Variants in FANCC observed in about 807,000 individuals in gnomAD.
FANCC encodes the protein FA complementation group C.
Under a neutral mutation model 71.3 loss-of-function variants are expected in FANCC, and 55 were observed. That is an observed-to-expected ratio of 0.77 (90% confidence interval 0.62 to 0.97). FANCC has a LOEUF of 0.97. Ranked by LOEUF, FANCC falls within the 50% of genes least tolerant of loss-of-function variation. FANCC has a pLI of 0.00. For synonymous variants in FANCC, 275 were observed against 244.9 expected (o/e 1.12, Z -1.15); for missense variants, 678 against 670.9 (o/e 1.01, Z -0.12).
intron 4 of FANCC, among the ~76,000 whole-genome samples, chr9:95,189,649 C>T (rs1293824655): frequency 6.6e-6 from 1 of 152,182 alleles, no homozygotes; most frequent in Admixed American, 6.5e-5. Flanking sequence ...TATGTAGATA[C>T]ACAGACCTGG....
intron 13 of FANCC, among the ~76,000 whole-genome samples, chr9:95,109,911 G>A (rs560431529): frequency 2.0e-5 from 3 of 152,284 alleles, no homozygotes; most frequent in Admixed American, 6.5e-5. Context: ...CAAGAGGTAC[G>A]TATCATTCAT....
intron 4 of FANCC, among the ~76,000 whole-genome samples, chr9:95,220,512 T>C (rs1342314300): frequency 1.3e-5 from 2 of 152,170 alleles, no homozygotes; most frequent in Non-Finnish European, 2.9e-5. Flanking sequence ...ATGTGGCACA[T>C]ATACAGCATG....
chr9:95,201,760 G>C (rs916470449), intron 4 of FANCC, among the ~76,000 whole-genome samples: 1 of 152,076 alleles, frequency 6.6e-6, no homozygotes, highest in African/African-American at 2.4e-5. Flanking sequence ...TCCTTTTTGC[G>C]TAAGAAACAA....
intron 4 of FANCC, among the ~76,000 whole-genome samples, chr9:95,239,955 G>C (rs4647440): frequency 6.6e-6 from 1 of 152,238 alleles, no homozygotes; most frequent in Admixed American, 6.5e-5. Context: ...GGTTGCTGCA[G>C]CAAGGCAGTG....
At chr9:95,292,200 G>GA (rs1271447976) in intron 1 of FANCC, 4 of 159,184 alleles carry the variant, frequency 2.5e-5, no homozygotes. Context: ...ACACACTGGG[G>GA]AAAGGACAGT....
chr9:95,178,159 G>C (rs190864206), intron 4 of FANCC, among the ~76,000 whole-genome samples: 1 of 152,066 alleles, frequency 6.6e-6, no homozygotes, highest in East Asian at 1.9e-4. Context: ...CCCTGCTCTA[G>C]TCTCTTCTGT....
intron 1 of FANCC, among the ~76,000 whole-genome samples, chr9:95,252,274 C>CAAAAAAAAAAAAAAAAAAAAAAAAAAAA (rs71366284): frequency 2.6e-4 from 13 of 50,136 alleles, no homozygotes; most frequent in East Asian, 6.7e-4. Context: ...GAGACTGATT[C>CAAAAAAAAAAAAAAAAAAAAAAAAAAAA]AAAAAAAAAA....
At chr9:95,221,436 G>A (rs1212359135) in intron 4 of FANCC, among the ~76,000 whole-genome samples, 1 of 151,786 alleles carries the variant, frequency 6.6e-6, no homozygotes, top group Non-Finnish European at 1.5e-5. Context: ...CTTGACATAG[G>A]CAAAAATTTT....
chr9:95,221,199 A>G (rs922844436), intron 4 of FANCC, among the ~76,000 whole-genome samples: 2 of 152,096 alleles, frequency 1.3e-5, no homozygotes, highest in East Asian at 1.9e-4. Context: ...CTGGCGACAG[A>G]GCATCTGAAA....
chr9:95,148,518 T>C (rs1260931590), intron 7 of FANCC, among the ~76,000 whole-genome samples: 2 of 152,218 alleles, frequency 1.3e-5, no homozygotes, highest in African/African-American at 4.8e-5. Flanking sequence ...AAGCAGAAAT[T>C]AGAATCTTGG....
chr9:95,102,018 T>C (rs1250384099), intron 14 of FANCC, among the ~76,000 whole-genome samples, 168 bp from the exon 15 acceptor site: 4 of 152,208 alleles, frequency 2.6e-5, no homozygotes, highest in Admixed American at 1.3e-4. Context: ...GTGATTAGCA[T>C]AGCAAGTCTG....
At chr9:95,156,592 C>T (rs1181480629) in intron 6 of FANCC, among the ~76,000 whole-genome samples, 1 of 152,010 alleles carries the variant, frequency 6.6e-6, no homozygotes, top group African/African-American at 2.4e-5. Context: ...GCGTAACATG[C>T]TTTTTGAGCC....
intron 9 of FANCC, among the ~76,000 whole-genome samples, chr9:95,126,266 A>C (rs1825962048): frequency 6.6e-6 from 1 of 152,190 alleles, no homozygotes; most frequent in South Asian, 2.1e-4. Context: ...TTAATGCCTA[A>C]CTCAATTCTG....
chr9:95,120,383 C>A (rs565482748), intron 10 of FANCC, among the ~76,000 whole-genome samples: 1 of 152,018 alleles, frequency 6.6e-6, no homozygotes, highest in South Asian at 2.1e-4. Context: ...TTTGCCAATA[C>A]CTCACTGTCT....
At chr9:95,158,171 A>G (rs911182617) in intron 6 of FANCC, among the ~76,000 whole-genome samples, 3 of 152,160 alleles carry the variant, frequency 2.0e-5, no homozygotes, top group African/African-American at 7.2e-5. Flanking sequence ...ATATTCTGCT[A>G]GGCTATGTGC....
At chr9:95,245,137 A>G (rs1437210294) in intron 3 of FANCC, among the ~76,000 whole-genome samples, 1 of 152,220 alleles carries the variant, frequency 6.6e-6, no homozygotes, top group Non-Finnish European at 1.5e-5. Flanking sequence ...AGCAATTAAT[A>G]AATCCATGAA....
intron 6 of FANCC, among the ~76,000 whole-genome samples, chr9:95,153,947 C>T (rs1830319654): frequency 6.6e-6 from 1 of 152,008 alleles, no homozygotes; most frequent in Admixed American, 6.6e-5. Flanking sequence ...ACTATAACAT[C>T]AAATTTGTAG....
intron 6 of FANCC, among the ~76,000 whole-genome samples, chr9:95,152,579 T>A (rs2135457637): frequency 6.6e-6 from 1 of 152,376 alleles, no homozygotes; most frequent in South Asian, 2.1e-4. Context: ...TGTAAAAATT[T>A]AGTTTTCATT....
chr9:95,191,395 T>C lies in FANCC; in HGVS notation c.346-19248A>G, dbSNP rs182294800. Among the ~76,000 whole-genome samples, 462 of 140,888 alleles carry C rather than the reference T, an allele frequency of 3.3e-3. 8 individuals carry two copies. The East Asian group carries it at 0.046, about 14-fold the overall frequency. The allele number at this position is 140,888 out of a possible 152,430, so 92.4% of individuals were successfully genotyped here. ...TTTCCCAGGATGGAGTGCAGTGGTG[T>C]GATCTTGGTTCACTGCAGCCAAGAC... On this transcript the variant is annotated intron_variant, in intron 4 of 14. Transcript: ENST00000289081.
Sources: allele counts gnomAD v4.1 joint callset (sites outside exome capture counted in the v4.1 genomes callset), GRCh38; gene constraint gnomAD v4.1.1; transcripts MANE v1.5; gene names NCBI Gene and HGNC (gene_info 2026-07-23, HGNC 2026-07-21).